Variants in LARGE1 observed in about 807,000 individuals in gnomAD.
LARGE1 encodes the protein LARGE xylosyl- and glucuronyltransferase 1, also known as xylosyl- and glucuronyltransferase LARGE1.
Under a neutral mutation model 87.6 loss-of-function variants are expected in LARGE1, and 43 were observed. That is an observed-to-expected ratio of 0.49 (90% CI 0.38 to 0.63). The LOEUF (loss-of-function observed/expected upper bound fraction) is 0.63, where lower values mean the gene tolerates loss of function less well. Ranked by LOEUF, LARGE1 falls within the 30% of genes least tolerant of loss-of-function variation. LARGE1 has a pLI of 0.00. For synonymous variants in LARGE1, 434 were observed against 394.6 expected (o/e 1.10, Z -1.18); for missense variants, 802 against 1,000.2 (o/e 0.80, Z 2.67).
At chr22:33,077,188 A>G in the LARGE1 span, among the ~76,000 whole-genome samples, 13 of 152,238 alleles carry the variant, frequency 8.5e-5, no homozygotes, top group African/African-American at 3.1e-4. Flanking sequence ...TAGGAATAGT[A>G]CATACAAGTT....
intron 11 of LARGE1, among the ~76,000 whole-genome samples, chr22:33,167,816 C>G (rs1026343547): frequency 6.6e-6 from 1 of 152,178 alleles, no homozygotes; most frequent in South Asian, 2.1e-4. Context: ...CAAGAAGCAA[C>G]CTTACTCTGG....
intron 7 of LARGE1, among the ~76,000 whole-genome samples, chr22:33,424,332 T>C (rs780997488): frequency 3.9e-5 from 6 of 152,180 alleles, no homozygotes; most frequent in Admixed American, 2.6e-4. Context: ...AAAGTGGAGC[T>C]ATCTAAAGGT....
At chr22:33,294,640 T>A (rs1932981920) in intron 12 of LARGE1, among the ~76,000 whole-genome samples, 2 of 152,116 alleles carry the variant, frequency 1.3e-5, no homozygotes, top group Admixed American at 6.5e-5. Flanking sequence ...TCATGTTGGG[T>A]CTGCATCTTC....
chr22:33,367,823 T>C (rs1456558699), intron 9 of LARGE1, among the ~76,000 whole-genome samples: 1 of 152,214 alleles, frequency 6.6e-6, no homozygotes, highest in Non-Finnish European at 1.5e-5. Flanking sequence ...CATTTAAGGA[T>C]ATACATTTCC....
chr22:33,123,998 G>C, the LARGE1 span, among the ~76,000 whole-genome samples: 3 of 152,172 alleles, frequency 2.0e-5, no homozygotes, highest in Non-Finnish European at 4.4e-5. Flanking sequence ...GATAAATGAC[G>C]GCTCTGGCCA....
chr22:33,271,395 T>C (rs1249032420), downstream of LARGE1, among the ~76,000 whole-genome samples: 1 of 152,182 alleles, frequency 6.6e-6, no homozygotes, highest in East Asian at 1.9e-4. Flanking sequence ...CAAGTAGAAA[T>C]GTTAATATCC....
the LARGE1 span, among the ~76,000 whole-genome samples, chr22:33,093,095 G>A: frequency 1.3e-5 from 2 of 152,150 alleles, no homozygotes; most frequent in Admixed American, 6.5e-5. Context: ...AATAAACTGT[G>A]AACTTATTTT....
chr22:33,231,533 G>A (rs1446186053), intron 11 of LARGE1, among the ~76,000 whole-genome samples: 1 of 152,178 alleles, frequency 6.6e-6, no homozygotes, highest in East Asian at 1.9e-4. Flanking sequence ...ATTTTTATTA[G>A]TATTTAAATC....
chr22:33,213,700 A>G (rs1478990100), intron 11 of LARGE1, among the ~76,000 whole-genome samples: 2 of 152,266 alleles, frequency 1.3e-5, no homozygotes, highest in Non-Finnish European at 1.5e-5. Context: ...ATTAAGGTCT[A>G]TACTTTGTCT....
intron 3 of LARGE1, among the ~76,000 whole-genome samples, chr22:33,638,657 TG>T (rs2080341070): frequency 6.6e-6 from 1 of 152,262 alleles, no homozygotes; most frequent in South Asian, 2.1e-4. Context: ...TACCTCTTTC[TG>T]GCTGTGTGAC....
chr22:33,506,572 C>T (rs2070777311), intron 6 of LARGE1, among the ~76,000 whole-genome samples: 1 of 152,168 alleles, frequency 6.6e-6, no homozygotes, highest in South Asian at 2.1e-4. Context: ...TCTTGTCTGG[C>T]CTTTGTCTAG....
intron 11 of LARGE1, among the ~76,000 whole-genome samples, chr22:33,263,034 A>T (rs1479315747): frequency 6.6e-6 from 1 of 151,898 alleles, no homozygotes; most frequent in Admixed American, 6.6e-5. Context: ...CTGCGATTAC[A>T]GGCACGCACC....
At chr22:33,822,629 C>T (rs2086859778) in intron 1 of LARGE1, among the ~76,000 whole-genome samples, 1 of 151,986 alleles carries the variant, frequency 6.6e-6, no homozygotes. Context: ...GCCCAGGAGG[C>T]GGAGGTTGCA....
chr22:33,745,084 C>T (rs2084031095), intron 2 of LARGE1, among the ~76,000 whole-genome samples: 1 of 152,154 alleles, frequency 6.6e-6, no homozygotes, highest in African/African-American at 2.4e-5. Context: ...CCTGAAGGAG[C>T]CGAGGGATTT....
At chr22:33,225,334 G>T (rs1340766144) in intron 11 of LARGE1, among the ~76,000 whole-genome samples, 1 of 152,150 alleles carries the variant, frequency 6.6e-6, no homozygotes, top group East Asian at 1.9e-4. Context: ...GTTCACAAAG[G>T]ATACAAAAGA....
chr22:33,530,027 G>C (rs924485955), intron 6 of LARGE1, among the ~76,000 whole-genome samples: 1 of 152,262 alleles, frequency 6.6e-6, no homozygotes, highest in South Asian at 2.1e-4. Context: ...TTCCCTACTA[G>C]CAGCGATAGG....
At chr22:33,390,159 T>C (rs1204434059) in intron 7 of LARGE1, among the ~76,000 whole-genome samples, 1 of 152,258 alleles carries the variant, frequency 6.6e-6, no homozygotes, top group Non-Finnish European at 1.5e-5. Flanking sequence ...CTCTTTGGAA[T>C]TCCAGAACGT....
rs563082366 is a variant in LARGE1, at chr22:33,273,396, C to G, written c.*1031G>C. ...CTTCCTGTAGGTCTCCAGATGGATA[C>G]GTGAATCTTCAGAACTGGGCTTTCA... On this transcript the variant is annotated 3_prime_UTR_variant, in exon 15 of 15. Coordinates refer to ENST00000397394, the MANE Select transcript of LARGE1 (RefSeq NM_133642.5). 3.5e-5 allele frequency: 14 copies of G among 398,758 alleles called. No homozygotes were observed. Among genetic ancestry groups the G allele is most frequent in the African/African-American group, 6.2e-5 (3 of 48,732 alleles). 24.7% of individuals were successfully genotyped at this position (398,758 alleles called of 1,614,324 possible). A position where few individuals can be genotyped will look rare whatever the true frequency, so the allele number is the denominator to read the frequency against.
intron 11 of LARGE1, among the ~76,000 whole-genome samples, chr22:33,209,533 G>A (rs187790378): frequency 1.3e-5 from 2 of 152,256 alleles, no homozygotes; most frequent in East Asian, 3.9e-4. Context: ...ATTCAGTTTT[G>A]CTCATAAAAA....
Sources: allele counts gnomAD v4.1 joint callset (sites outside exome capture counted in the v4.1 genomes callset), GRCh38; gene constraint gnomAD v4.1.1; transcripts MANE v1.5; gene names NCBI Gene and HGNC (gene_info 2026-07-23, HGNC 2026-07-21).